The following ZNF778 variants were observed in gnomAD, a reference collection of about 807,000 sequenced individuals.
ZNF778 encodes zinc finger protein 778.
In ZNF778, 37 loss-of-function variants were observed where a neutral mutation model predicts 23.9. The ratio of observed to expected loss-of-function variants is 1.54; its 90% CI spans 1.19 to 2.03. The LOEUF (loss-of-function observed/expected upper bound fraction) is 2.03, where lower values mean the gene tolerates loss of function less well. Ranked by LOEUF, ZNF778 falls within the 30% of genes most tolerant of loss-of-function variation. The pLI is 0.00. For missense variants in ZNF778, 1,297 were observed against 934.4 expected (o/e 1.39, Z -5.06); for synonymous variants, 483 against 343.9 (o/e 1.40, Z -4.48).
chr16:89,219,657 C>T (rs1335060658), intron 1 of ZNF778, among the ~76,000 whole-genome samples: 1 of 152,242 alleles, frequency 6.6e-6, no homozygotes, highest in Non-Finnish European at 1.5e-5. Context: ...ATCCTGTTTA[C>T]CATGGACGCT....
chr16:89,222,124 C>A lies in ZNF778; in HGVS notation c.58C>A (p.His20Asn), dbSNP rs370763815. The change falls in exon 3 of 7, where the codon CAT (histidine) becomes AAT (asparagine). Residue 20 changes from histidine (H) to asparagine (N), a missense_variant. His to Asn is a moderately conservative substitution (Grantham distance 68). Transcript: ENST00000433976. Reference protein sequence around the residue: ...GHVSRDSVCLHEEQTQAAGMV... With the variant: ...GHVSRDSVCLNEEQTQAAGMV... Reference sequence around the variant, plus strand: ...TGTTTCTAGGGACTCAGTCTGCCTTCATGAAGAACAGACACAGGCAGCAGG... The same window carrying A: ...TGTTTCTAGGGACTCAGTCTGCCTTAATGAAGAACAGACACAGGCAGCAGG... 1 of 1,605,410 alleles carries A rather than the reference C, an allele frequency of 6.2e-7. No individual in the cohort carries two copies. Among genetic ancestry groups the A allele is most frequent in the African/African-American group, 1.3e-5 (1 of 74,750 alleles).
At chr16:89,222,040 A>T (rs2031005603) in intron 2 of ZNF778, 52 bp from the exon 3 acceptor site, 3 of 1,357,164 alleles carry the variant, frequency 2.2e-6, no homozygotes, top group East Asian at 2.4e-5. Flanking sequence ...ATGAGTGTGG[A>T]ATTAGGGTCA....
intron 2 of ZNF778, 131 bp downstream of exon 2, chr16:89,221,283 G>T: frequency 9.4e-7 from 1 of 1,062,536 alleles, no homozygotes; most frequent in Non-Finnish European, 1.4e-6. Context: ...GAGTGAGCCA[G>T]AGAATGCTGA....
Position 89,231,808 on chromosome 16 carries a change from C to T in ZNF778, c.*3246C>T, listed in dbSNP as rs1325753036. The T allele has an allele frequency of 2.0e-5, 3 of 152,244 alleles. No individual in the cohort carries two copies. Among genetic ancestry groups the T allele is most frequent in the Non-Finnish European group, 2.9e-5 (2 of 68,074 alleles). The allele number at this position is 152,244 out of a possible 1,614,324, so 9.4% of individuals were successfully genotyped here. ...GGCCACTGTCTCCCCAGTGCCTTCT[C>T]CTCCGCTGCAGCTTTCCATCTCATC... is the stretch of plus-strand genomic sequence containing the variant. On this transcript the variant is annotated 3_prime_UTR_variant, in exon 7 of 7. Coordinates refer to ENST00000433976, the MANE Select transcript of ZNF778 (RefSeq NM_001201407.2).
Position 89,228,787 on chromosome 16 carries a change from G to GA in ZNF778, c.*227dup. Reference sequence around the variant, plus strand: ...GAATATGGATGGTATCCAGTAGAGAGAACTCTATTGATGTGTGATATGCAG... The same window carrying GA: ...GAATATGGATGGTATCCAGTAGAGAGAAACTCTATTGATGTGTGATATGCAG... On this transcript the variant is annotated 3_prime_UTR_variant, in exon 7 of 7. Coordinates refer to ENST00000433976, the MANE Select transcript of ZNF778 (RefSeq NM_001201407.2). 7.5e-7 allele frequency: 1 copy of GA among 1,326,774 alleles called. No homozygotes were observed. The highest frequency in any genetic ancestry group is 9.6e-7 in the Non-Finnish European group (1 of 1,041,066). The allele number at this position is 1,326,774 out of a possible 1,614,324, so 82.2% of individuals were successfully genotyped here.
chr16:89,230,006 A>G lies in ZNF778; in HGVS notation c.*1444A>G. 2 of 982,162 alleles carry G rather than the reference A, an allele frequency of 2.0e-6. No homozygotes were observed. Among genetic ancestry groups the G allele is most frequent in the Non-Finnish European group, 2.4e-6 (2 of 827,088 alleles). 60.8% of individuals were successfully genotyped at this position (982,162 alleles called of 1,614,324 possible). On this transcript the variant is annotated 3_prime_UTR_variant, in exon 7 of 7. Coordinates refer to ENST00000433976, the MANE Select transcript of ZNF778 (RefSeq NM_001201407.2). ...AGATGTGATCCTGTGTGAGCAGTGT[A>G]GGCTCTGGTTGGTTAGTCTTAAGTA...
rs1465135609 is a variant in ZNF778, at chr16:89,234,226, A to G, written c.*5664A>G. On this transcript the variant is annotated 3_prime_UTR_variant, in exon 7 of 7. Coordinates refer to ENST00000433976, the MANE Select transcript of ZNF778 (RefSeq NM_001201407.2). ...GTGTGGTTTTCCTCATAGTCTCTCT[A>G]CCTAAGCACATGTCTGTGACAAGGT... 5.5e-6 allele frequency: 2 copies of G among 361,548 alleles called. No individual in the cohort carries two copies. Among genetic ancestry groups the G allele is most frequent in the African/African-American group, 2.1e-5 (1 of 46,852 alleles). 22.4% of individuals were successfully genotyped at this position (361,548 alleles called of 1,614,324 possible). A position where few individuals can be genotyped will look rare whatever the true frequency, so the allele number is the denominator to read the frequency against.
chr16:89,227,411 G>C lies in ZNF778; in HGVS notation c.1123G>C (p.Gly375Arg). ...YECKDCGKAC[G>R]GFYLLNEHGK... ...ATGTAAGGACTGTGGGAAAGCCTGC[G>C]GTGGGTTTTATCTACTGAATGAGCA... The change falls in exon 7 of 7, where the codon GGT (glycine) becomes CGT (arginine). Residue 375 changes from glycine (G) to arginine (R), a missense_variant. Physicochemically the swap from Gly to Arg is moderately radical, Grantham distance 125 (BLOSUM62 -2). Coordinates refer to ENST00000433976, the MANE Select transcript of ZNF778 (RefSeq NM_001201407.2). 20 of 1,610,472 alleles carry C rather than the reference G, an allele frequency of 1.2e-5. No individual in the cohort carries two copies. The highest frequency in any genetic ancestry group is 1.7e-5 in the Non-Finnish European group (20 of 1,178,658).
At position 89,225,583 on chromosome 16, in the gene ZNF778, A is replaced by G; in HGVS notation, c.357A>G (p.Ala119=). The change falls in exon 6 of 7, where the codon GCA becomes GCG. Residue 119 remains alanine, a synonymous_variant. Coordinates refer to ENST00000433976, the MANE Select transcript of ZNF778 (RefSeq NM_001201407.2). ...QEWRLKTKGP[A]LRQDRSWFRA... is the part of the protein sequence containing the mutation. Reference sequence around the variant, plus strand: ...GGCGACTTAAAACCAAAGGGCCAGCACTTCGGCAGGATAGATCTTGGTTCA... The same window carrying G: ...GGCGACTTAAAACCAAAGGGCCAGCGCTTCGGCAGGATAGATCTTGGTTCA... 1 of 1,612,506 alleles carries G rather than the reference A, an allele frequency of 6.2e-7. No homozygotes were observed. The highest frequency in any genetic ancestry group is 1.1e-5 in the South Asian group (1 of 91,032).
chr16:89,228,805 A>C lies in ZNF778; in HGVS notation c.*243A>C. The C allele has an allele frequency of 7.9e-7, 1 of 1,258,372 alleles. No homozygotes were observed. 78.0% of individuals were successfully genotyped at this position (1,258,372 alleles called of 1,614,324 possible). A position where few individuals can be genotyped will look rare whatever the true frequency, so the allele number is the denominator to read the frequency against. On this transcript the variant is annotated 3_prime_UTR_variant, in exon 7 of 7. Transcript: ENST00000433976. Reference sequence around the variant, plus strand: ...GTAGAGAGAACTCTATTGATGTGTGATATGCAGCAGCATTGTTGCTGTTCT... The same window carrying C: ...GTAGAGAGAACTCTATTGATGTGTGCTATGCAGCAGCATTGTTGCTGTTCT...
intron 5 of ZNF778, among the ~76,000 whole-genome samples, chr16:89,225,165 G>A (rs112444160): frequency 2.2e-5 from 3 of 133,796 alleles, no homozygotes; most frequent in African/African-American, 8.4e-5. Flanking sequence ...GCCCAGGCTG[G>A]AGTGCAGTGG....
intron 2 of ZNF778, among the ~76,000 whole-genome samples, chr16:89,221,846 A>G (rs1597347698): frequency 8.3e-6 from 1 of 119,768 alleles, no homozygotes; most frequent in African/African-American, 3.3e-5. Context: ...TTTCTTGAGG[A>G]AGTGTATGGC....
chr16:89,226,570 C>G, intron 6 of ZNF778, 124 bp from the exon 7 acceptor site: 1 of 778,736 alleles, frequency 1.3e-6, no homozygotes, highest in Non-Finnish European at 2.0e-6. Context: ...AGGGCAGGAG[C>G]TGCTTGCATG....
intron 6 of ZNF778, 30 bp from the exon 7 acceptor site, chr16:89,226,664 C>G (rs774991249): frequency 1.9e-6 from 3 of 1,577,044 alleles, no homozygotes; most frequent in African/African-American, 1.4e-5. Context: ...CTCAGTAACC[C>G]CCTGACCACC....
At position 89,226,997 on chromosome 16, in the gene ZNF778, C is replaced by G. The variant is rs758064292; in HGVS notation, c.709C>G (p.Gln237Glu). Reference protein sequence around the residue: ...YSSCGEVFLNQSYLQARAGSH... With the variant: ...YSSCGEVFLNESYLQARAGSH... Reference sequence around the variant, plus strand: ...CAGCTGTGGGGAAGTGTTCCTTAATCAGTCATACCTTCAGGCACGTGCGGG... The same window carrying G: ...CAGCTGTGGGGAAGTGTTCCTTAATGAGTCATACCTTCAGGCACGTGCGGG... The change falls in exon 7 of 7, where the codon CAG (glutamine) becomes GAG (glutamate). Residue 237 changes from glutamine (Q) to glutamate (E), a missense_variant. Transcript: ENST00000433976. 1.2e-6 allele frequency: 2 copies of G among 1,613,992 alleles called. No homozygotes were observed. The highest frequency in any genetic ancestry group is 1.7e-5 in the Admixed American group (1 of 60,014).
intron 1 of ZNF778, among the ~76,000 whole-genome samples, chr16:89,219,656 A>G (rs2030723982): frequency 6.6e-6 from 1 of 152,226 alleles, no homozygotes; most frequent in Non-Finnish European, 1.5e-5. Flanking sequence ...CATCCTGTTT[A>G]CCATGGACGC....
At position 89,226,846 on chromosome 16, in the gene ZNF778, C is replaced by T. The variant is rs76378664; in HGVS notation, c.558C>T (p.Cys186=). The change falls in exon 7 of 7, where the codon TGC becomes TGT. Residue 186 remains cysteine, a synonymous_variant. Coordinates refer to ENST00000433976, the MANE Select transcript of ZNF778 (RefSeq NM_001201407.2). ...ATGAAAGGGACTTTTTTATTCCATGCCAGAAAACCTTGTTCAAAATTGGAG... is the reference window on the plus strand; with the variant it reads ...ATGAAAGGGACTTTTTTATTCCATGTCAGAAAACCTTGTTCAAAATTGGAG... ...NHYERDFFIP[C]QKTLFKIGEQ... 68 of 1,613,968 alleles carry T rather than the reference C, an allele frequency of 4.2e-5. No homozygotes were observed. The East Asian group carries it at 1.5e-3, about 35-fold the overall frequency.
chr16:89,220,876 A>G, intron 1 of ZNF778, 121 bp from the exon 2 acceptor site: 1 of 496,730 alleles, frequency 2.0e-6, no homozygotes, highest in East Asian at 3.5e-5. Flanking sequence ...TGACGTGGAT[A>G]TTACTAGTCC....
Position 89,232,864 on chromosome 16 carries a change from A to T in ZNF778, c.*4302A>T, listed in dbSNP as rs1294823603. On this transcript the variant is annotated 3_prime_UTR_variant, in exon 7 of 7. Transcript: ENST00000433976. ...CAACTCACACCGTGTATGCAAATCA[A>T]CTCGCACTGCGTATGCAACTCAACT... is the stretch of plus-strand genomic sequence containing the variant. 54 of 1,220,686 alleles carry T rather than the reference A, an allele frequency of 4.4e-5. No individual in the cohort carries two copies. The highest frequency in any genetic ancestry group is 5.3e-5 in the Non-Finnish European group (51 of 963,334). The allele number at this position is 1,220,686 out of a possible 1,614,324, so 75.6% of individuals were successfully genotyped here.
Sources: gnomAD v4.1 joint callset for allele counts (sites outside exome capture counted in the v4.1 genomes callset) on GRCh38, gnomAD v4.1.1 for gene constraint, MANE v1.5 for transcripts, NCBI Gene and HGNC (gene_info 2026-07-23, HGNC 2026-07-21) for gene names.